Variants in NRXN3 observed in about 807,000 individuals in gnomAD.
The protein encoded by NRXN3 is neurexin III.
NRXN3 carries 32 observed loss-of-function variants against 137.6 expected under a neutral mutation model. The observed-to-expected ratio is 0.23, with a 90% confidence interval of 0.18 to 0.31. The LOEUF (loss-of-function observed/expected upper bound fraction) is 0.31. Ranked by LOEUF, NRXN3 falls within the 10% of genes least tolerant of loss-of-function variation. The pLI is 1.00. For synonymous variants in NRXN3, 798 were observed against 784.5 expected, an observed-to-expected ratio of 1.02 and a Z score of -0.29; for missense variants, 1,574 against 2,062.5, an observed-to-expected ratio of 0.76 and a Z score of 4.59.
intron 16 of NRXN3, among the ~76,000 whole-genome samples, chr14:79,603,830 A>C (rs1258519819): frequency 6.6e-6 from 1 of 152,206 alleles, no homozygotes; most frequent in Non-Finnish European, 1.5e-5. Context: ...TTTTCATACA[A>C]GTATGCTGCA....
Position 78,732,763 on chromosome 14 carries a change from A to C in NRXN3, c.2044+17624A>C, listed in dbSNP as rs140584757. Among the ~76,000 whole-genome samples, 93 of 152,326 alleles carry C rather than the reference A, an allele frequency of 6.1e-4. 1 individual carries two copies. Among genetic ancestry groups the C allele is most frequent in the African/African-American group, 2.1e-3 (89 of 41,582 alleles). Reference sequence around the variant, plus strand: ...AAAGGGCCAGTTCCAGAAAATCATTAGCTTCAAAATCTAGACATGAGAGAA... The same window carrying C: ...AAAGGGCCAGTTCCAGAAAATCATTCGCTTCAAAATCTAGACATGAGAGAA... On this transcript the variant is annotated intron_variant, in intron 8 of 20. Transcript: ENST00000335750.
At chr14:79,733,238 A>G (rs2098930337) in intron 19 of NRXN3, among the ~76,000 whole-genome samples, 3 of 152,212 alleles carry the variant, frequency 2.0e-5, no homozygotes, top group South Asian at 4.1e-4. Context: ...CCAGTCTTCC[A>G]TGAATCCTAA....
intron 15 of NRXN3, among the ~76,000 whole-genome samples, chr14:79,007,915 T>C (rs1203106812): frequency 6.6e-6 from 1 of 151,292 alleles, no homozygotes; most frequent in African/African-American, 2.4e-5. Flanking sequence ...AGGTACAAGG[T>C]TGACTACTAC....
chr14:78,950,031 ACG>A (rs1442672836), intron 10 of NRXN3, among the ~76,000 whole-genome samples: 2 of 152,230 alleles, frequency 1.3e-5, no homozygotes, highest in African/African-American at 4.8e-5. Flanking sequence ...GTAAGATCAC[ACG>A]ATCAGACTCA....
At chr14:79,807,961 A>G (rs558317101) in intron 20 of NRXN3, among the ~76,000 whole-genome samples, 1 of 152,278 alleles carries the variant, frequency 6.6e-6, no homozygotes, top group Admixed American at 6.5e-5. Flanking sequence ...CCTGATTTCC[A>G]CTAATGGGGA....
At chr14:78,855,046 C>T (rs2099053094) in intron 10 of NRXN3, among the ~76,000 whole-genome samples, 1 of 151,970 alleles carries the variant, frequency 6.6e-6, no homozygotes, top group African/African-American at 2.4e-5. Flanking sequence ...CACCTGTAGT[C>T]CCAGCTACTC....
At position 79,719,262 on chromosome 14, in the gene NRXN3, T is replaced by A. The variant is rs1418789082; in HGVS notation, c.4014+21325T>A. On this transcript the variant is annotated intron_variant, in intron 19 of 20. Transcript: ENST00000335750. ...CATCATAGACATATATGTGTGTGTG[T>A]GTGTGTGTGTGTGTACATATATATG... 8.0e-4 allele frequency among the ~76,000 whole-genome samples: 108 copies of A among 134,234 alleles called. 4 individuals carry two copies. In the South Asian group the frequency reaches 0.025, roughly 32 times the overall value. 88.1% of individuals were successfully genotyped at this position (134,234 alleles called of 152,430 possible). A position where few individuals can be genotyped will look rare whatever the true frequency, so the allele number is the denominator to read the frequency against.
intron 15 of NRXN3, among the ~76,000 whole-genome samples, chr14:79,041,736 T>G (rs1411606717): frequency 6.6e-6 from 1 of 152,134 alleles, no homozygotes; most frequent in African/African-American, 2.4e-5. Flanking sequence ...GGAAGCAATG[T>G]AAAAAGAAGA....
At chr14:78,698,724 G>A (rs1189407365) in intron 6 of NRXN3, among the ~76,000 whole-genome samples, 1 of 151,960 alleles carries the variant, frequency 6.6e-6, no homozygotes, top group East Asian at 1.9e-4. Flanking sequence ...ATACACTAAT[G>A]ATAGCTGCCA....
intron 20 of NRXN3, among the ~76,000 whole-genome samples, chr14:79,825,826 CAGTT>C (rs1474245421): frequency 2.6e-5 from 4 of 152,100 alleles, no homozygotes; most frequent in African/African-American, 9.7e-5. Context: ...ATTAAAGCAT[CAGTT>C]AGTAAGTTTC....
chr14:78,893,747 T>C (rs979113573), intron 10 of NRXN3, among the ~76,000 whole-genome samples: 11 of 151,894 alleles, frequency 7.2e-5, no homozygotes, highest in African/African-American at 1.9e-4. Flanking sequence ...AGCTGAGAAA[T>C]TTAGAAGTCC....
At chr14:78,823,216 T>C (rs974247465) in intron 10 of NRXN3, among the ~76,000 whole-genome samples, 1 of 152,254 alleles carries the variant, frequency 6.6e-6, no homozygotes, top group African/African-American at 2.4e-5. Context: ...TGACTGATGC[T>C]TTGTTGACCT....
intron 15 of NRXN3, among the ~76,000 whole-genome samples, chr14:79,436,871 A>T (rs1600266219): frequency 6.6e-6 from 1 of 151,928 alleles, no homozygotes; most frequent in Non-Finnish European, 1.5e-5. Flanking sequence ...CTCAGCCTGC[A>T]CTCCGTTATC....
intron 4 of NRXN3, chr14:78,615,002 T>C: frequency 2.2e-6 from 1 of 456,648 alleles, no homozygotes; most frequent in Non-Finnish European, 4.4e-6. Context: ...AATGCACCCC[T>C]CTACCCACTT....
chr14:79,387,148 C>T (rs200289129), intron 15 of NRXN3, among the ~76,000 whole-genome samples: 1 of 151,898 alleles, frequency 6.6e-6, no homozygotes, highest in Non-Finnish European at 1.5e-5. Context: ...AAGAAACTAC[C>T]ATCAGAGTGA....
intron 10 of NRXN3, among the ~76,000 whole-genome samples, chr14:78,865,028 C>T (rs2099083014): frequency 1.3e-5 from 2 of 152,106 alleles, no homozygotes; most frequent in Non-Finnish European, 2.9e-5. Flanking sequence ...TCTCAAATGC[C>T]AAGTTGCTGT....
At chr14:79,775,622 G>T (rs1235237709) in intron 19 of NRXN3, among the ~76,000 whole-genome samples, 3 of 151,268 alleles carry the variant, frequency 2.0e-5, no homozygotes, top group African/African-American at 7.3e-5. Context: ...ACAATCTGCT[G>T]GACTTCAGAG....
At chr14:79,378,486 G>A (rs2094371539) in intron 15 of NRXN3, among the ~76,000 whole-genome samples, 1 of 152,164 alleles carries the variant, frequency 6.6e-6, no homozygotes, top group Non-Finnish European at 1.5e-5. Flanking sequence ...ATCATCACTG[G>A]GAGAAGGAAA....
chr14:78,399,312 A>G (rs1306299770), intron 4 of NRXN3, among the ~76,000 whole-genome samples: 1 of 152,216 alleles, frequency 6.6e-6, no homozygotes, highest in African/African-American at 2.4e-5. Flanking sequence ...TTTTATATAT[A>G]GTATCTAGAG....
Sources: allele counts gnomAD v4.1 joint callset (sites outside exome capture counted in the v4.1 genomes callset), GRCh38; gene constraint gnomAD v4.1.1; transcripts MANE v1.5; gene names NCBI Gene and HGNC (gene_info 2026-07-23, HGNC 2026-07-21).